ZMAT4: variants seen among roughly 807,000 people sequenced by gnomAD.
The protein encoded by ZMAT4 is zinc finger matrin-type protein 4.
A neutral mutation model predicts 28.7 loss-of-function variants in ZMAT4; 17 were observed. The ratio of observed to expected loss-of-function variants is 0.59; its 90% CI spans 0.41 to 0.89. ZMAT4 has a LOEUF of 0.89. Ranked by LOEUF, ZMAT4 falls within the 40% of genes least tolerant of loss-of-function variation. The pLI is 0.00. For missense variants in ZMAT4, 240 were observed against 283.8 expected, an observed-to-expected ratio of 0.85 and a Z score of 1.11; for synonymous variants, 117 against 109.2, an observed-to-expected ratio of 1.07 and a Z score of -0.44.
At chr8:40,816,546 T>C (rs549416582) in intron 2 of ZMAT4, among the ~76,000 whole-genome samples, 1 of 152,192 alleles carries the variant, frequency 6.6e-6, no homozygotes, top group African/African-American at 2.4e-5. Flanking sequence ...TGGGGATGGT[T>C]AGGATATTGT....
chr8:40,602,484 A>C (rs1805432602), intron 5 of ZMAT4, among the ~76,000 whole-genome samples: 1 of 152,162 alleles, frequency 6.6e-6, no homozygotes, highest in Non-Finnish European at 1.5e-5. Context: ...TTACATTCAC[A>C]CCAAAGGGTG....
intron 1 of ZMAT4, among the ~76,000 whole-genome samples, chr8:40,830,384 A>G (rs1370584381): frequency 6.6e-6 from 1 of 151,922 alleles, no homozygotes; most frequent in East Asian, 1.9e-4. Flanking sequence ...CTTTATGTCT[A>G]CGTGTACCCA....
chr8:40,825,552 A>T, intron 2 of ZMAT4, 23 bp downstream of exon 2: 1 of 1,548,098 alleles, frequency 6.5e-7, no homozygotes, highest in South Asian at 1.2e-5. Context: ...ATTTGCAAAC[A>T]GAGTGGGAAA....
chr8:40,896,070 CA>C (rs368020644), intron 1 of ZMAT4, among the ~76,000 whole-genome samples: 10 of 150,866 alleles, frequency 6.6e-5, no homozygotes, highest in East Asian at 3.9e-4. Context: ...ACACCCCCCC[CA>C]AAAAAAAAGT....
chr8:40,776,500 T>G (rs1020837019), intron 2 of ZMAT4, among the ~76,000 whole-genome samples: 1 of 152,136 alleles, frequency 6.6e-6, no homozygotes. Context: ...GGAGGAACAG[T>G]TTTCTGTGGT....
At chr8:40,858,535 C>T (rs959207132) in intron 1 of ZMAT4, among the ~76,000 whole-genome samples, 1 of 152,168 alleles carries the variant, frequency 6.6e-6, no homozygotes, top group Admixed American at 6.5e-5. Context: ...TAAAGTGCTA[C>T]ACTGGCTGAG....
At chr8:40,754,461 G>C (rs965658454) in intron 3 of ZMAT4, among the ~76,000 whole-genome samples, 1 of 152,174 alleles carries the variant, frequency 6.6e-6, no homozygotes, top group Non-Finnish European at 1.5e-5. Context: ...TCCCAAGCTA[G>C]AGAATTGGTC....
intron 2 of ZMAT4, among the ~76,000 whole-genome samples, chr8:40,791,913 G>A (rs894691063): frequency 3.9e-5 from 6 of 152,110 alleles, no homozygotes; most frequent in African/African-American, 4.8e-5. Context: ...CAGGAGGGCC[G>A]CTGCACAGCA....
intron 2 of ZMAT4, among the ~76,000 whole-genome samples, chr8:40,818,490 T>A (rs1815630151): frequency 6.6e-6 from 1 of 152,232 alleles, no homozygotes; most frequent in Non-Finnish European, 1.5e-5. Flanking sequence ...TGGACAAATG[T>A]ACCAATAACT....
chr8:40,565,559 G>T (rs1334741024), intron 6 of ZMAT4, among the ~76,000 whole-genome samples: 1 of 151,490 alleles, frequency 6.6e-6, no homozygotes, highest in African/African-American at 2.4e-5. Context: ...TGTATTTTTA[G>T]TACAGATGGG....
At chr8:40,680,770 C>A (rs947348935) in intron 4 of ZMAT4, among the ~76,000 whole-genome samples, 1 of 151,926 alleles carries the variant, frequency 6.6e-6, no homozygotes, top group Non-Finnish European at 1.5e-5. Context: ...CCATCAAGCT[C>A]CCTCCCCAAG....
intron 3 of ZMAT4, among the ~76,000 whole-genome samples, chr8:40,722,323 G>T (rs573114198): frequency 6.6e-6 from 1 of 152,188 alleles, no homozygotes; most frequent in African/African-American, 2.4e-5. Context: ...GAGGGTGGAG[G>T]TTTCCTACAC....
intron 2 of ZMAT4, among the ~76,000 whole-genome samples, chr8:40,819,271 G>A (rs1815656611): frequency 6.6e-6 from 1 of 152,154 alleles, no homozygotes; most frequent in Admixed American, 6.5e-5. Context: ...ATTCAGAGAT[G>A]TTTGAAAACT....
intron 3 of ZMAT4, among the ~76,000 whole-genome samples, chr8:40,746,880 T>C (rs1477629790): frequency 1.3e-5 from 2 of 152,186 alleles, no homozygotes; most frequent in Non-Finnish European, 2.9e-5. Context: ...CCTGGAATGC[T>C]CTTCCTTAAC....
chr8:40,719,569 T>G (rs1028684403), intron 3 of ZMAT4, among the ~76,000 whole-genome samples: 16 of 151,532 alleles, frequency 1.1e-4, no homozygotes, highest in Non-Finnish European at 2.4e-4. Context: ...TCAAGGCCCT[T>G]TTTTTGTTTT....
intron 1 of ZMAT4, among the ~76,000 whole-genome samples, chr8:40,828,630 A>T (rs529337548): frequency 2.2e-4 from 33 of 152,344 alleles, no homozygotes; most frequent in African/African-American, 7.5e-4. Flanking sequence ...GATTTGAACA[A>T]GTCCATATGC....
At chr8:40,615,077 C>A (rs1805949510) in intron 5 of ZMAT4, among the ~76,000 whole-genome samples, 1 of 152,106 alleles carries the variant, frequency 6.6e-6, no homozygotes. Context: ...TTGTTCCTTT[C>A]CATGTTTAGT....
At chr8:40,872,644 C>A (rs1374685409) in intron 1 of ZMAT4, among the ~76,000 whole-genome samples, 1 of 152,152 alleles carries the variant, frequency 6.6e-6, no homozygotes, top group Non-Finnish European at 1.5e-5. Context: ...CTCCTTCCAG[C>A]AGTCCCTCAC....
chr8:40,881,433 G>GAGAAAGAAAGAAAGAAAGAAAGA (rs1818221724), intron 1 of ZMAT4, among the ~76,000 whole-genome samples: 8 of 70,228 alleles, frequency 1.1e-4, no homozygotes, highest in African/African-American at 4.8e-4. Flanking sequence ...AGAAGAAAGA[G>GAGAAAGAAAGAAAGAAAGAAAGA]AGAAAGAAAG....
Sources: gnomAD v4.1 joint callset for allele counts (sites outside exome capture counted in the v4.1 genomes callset) on GRCh38, gnomAD v4.1.1 for gene constraint, MANE v1.5 for transcripts, NCBI Gene and HGNC (gene_info 2026-07-23, HGNC 2026-07-21) for gene names.